Variants in CFAP47 observed in about 807,000 individuals in gnomAD.
The protein encoded by CFAP47 is cilia- and flagella-associated protein 47.
Under a neutral mutation model 148.1 loss-of-function variants are expected in CFAP47, and 29 were observed. The ratio of observed to expected loss-of-function variants is 0.20; its 90% CI spans 0.15 to 0.27. CFAP47 has a LOEUF of 0.27. CFAP47 is among the 10% of genes least tolerant of loss of function. The pLI is 1.00. For synonymous variants in CFAP47, 664 were observed against 577.3 expected (o/e 1.15, Z -2.15); for missense variants, 1,872 against 1,697.5 (o/e 1.10, Z -1.81).
chrX:36,244,004 T>TA (rs1370903796), intron 48 of CFAP47, among the ~76,000 whole-genome samples: 1 of 110,388 alleles, frequency 9.1e-6, no homozygotes, highest in Non-Finnish European at 1.9e-5. Flanking sequence ...CTCAATACGT[T>TA]AAAAAACAAA....
chrX:36,214,978 T>TG (rs1940143813), intron 45 of CFAP47, among the ~76,000 whole-genome samples: 1 of 112,049 alleles, frequency 8.9e-6, no homozygotes, highest in African/African-American at 3.2e-5. Flanking sequence ...AAATAAATTC[T>TG]GGTAATTTAT....
At position 36,243,661 on chromosome X, in the gene CFAP47, A is replaced by G. The variant is rs969321389; in HGVS notation, c.7332+6802A>G. On this transcript the variant is annotated intron_variant, in intron 48 of 63. Coordinates refer to ENST00000378653, the MANE Select transcript of CFAP47 (RefSeq NM_001304548.2). Reference sequence around the variant, plus strand: ...TATATGTGTGTGTATATATATATATATATATATATATATATATATATATAT... The same window carrying G: ...TATATGTGTGTGTATATATATATATGTATATATATATATATATATATATAT... 2.5e-3 allele frequency among the ~76,000 whole-genome samples: 176 copies of G among 69,944 alleles called. 2 individuals are homozygous for G. The highest frequency in any genetic ancestry group is 0.021 in the African/African-American group (144 of 6,786). The allele number at this position is 69,944 out of a possible 115,157, so 60.7% of individuals were successfully genotyped here.
intron 2 of CFAP47, among the ~76,000 whole-genome samples, chrX:35,937,104 GTTTTTTTTTTTTTTTT>G (rs377601530): frequency 0.012 from 665 of 55,556 alleles, 12 homozygotes; most frequent in African/African-American, 0.039. Context: ...TGCAATTGCT[GTTTTTTTTTTTTTTTT>G]TTTTTTTTTT....
Position 36,035,749 on chromosome X carries a change from A to G in CFAP47, c.3706A>G (p.Ser1236Gly). 3.4e-6 allele frequency: 1 copy of G among 296,524 alleles called. No homozygotes were observed. The highest frequency in any genetic ancestry group is 5.9e-6 in the Non-Finnish European group (1 of 169,648). 24.4% of individuals were successfully genotyped at this position (296,524 alleles called of 1,213,427 possible). Residue 1236 changes from serine to glycine, a missense_variant, in exon 24 of 64, where the codon AGT becomes GGT. Physicochemically the swap from Ser to Gly is moderately conservative, Grantham distance 56. Transcript: ENST00000378653. ...CCATGTGACATGGACTTTGGATCTTAGTAATACTGGCAAACTTTTCAAAGA... is the reference window on the plus strand; with the variant it reads ...CCATGTGACATGGACTTTGGATCTTGGTAATACTGGCAAACTTTTCAAAGA... ...KHHVTWTLDL[S>G]NTGKLFKDGT...
rs188049656 is a variant in CFAP47 at position 36,234,424 on chromosome X, C to T, written c.7015-1510C>T. On this transcript the variant is annotated intron_variant, in intron 46 of 63. Transcript: ENST00000378653. The stretch of plus-strand genomic sequence containing the variant: ...GATCGCATCGGCTCCTGAGGCTTCT[C>T]CATTCTTCACGTAGTTCTCAAGCCT... Among the ~76,000 whole-genome samples the T allele has an allele frequency of 6.4e-3, 720 of 112,166 alleles. 5 individuals are homozygous for T. The highest frequency in any genetic ancestry group is 9.2e-3 in the Non-Finnish European group (492 of 53,245).
At chrX:36,083,368 A>G (rs1298952122) in intron 29 of CFAP47, among the ~76,000 whole-genome samples, 1 of 110,659 alleles carries the variant, frequency 9.0e-6, no homozygotes, top group Non-Finnish European at 1.9e-5. Flanking sequence ...GCACATATAT[A>G]TAGCATAGCA....
intron 21 of CFAP47, among the ~76,000 whole-genome samples, chrX:36,009,189 A>G (rs1937012898): frequency 9.0e-6 from 1 of 111,627 alleles, no homozygotes; most frequent in Non-Finnish European, 1.9e-5. Flanking sequence ...ACAGTTTGCG[A>G]AACATACTCT....
At chrX:36,135,384 A>G (rs1310512602) in intron 33 of CFAP47, among the ~76,000 whole-genome samples, 1 of 111,857 alleles carries the variant, frequency 8.9e-6, no homozygotes, top group Non-Finnish European at 1.9e-5. Context: ...ACTGAAGACA[A>G]ACCAAATGCC....
chrX:35,970,871 A>G lies in CFAP47; in HGVS notation c.1918A>G (p.Met640Val), dbSNP rs770069369. 1.3e-5 allele frequency: 15 copies of G among 1,190,283 alleles called. No homozygotes were observed. In the East Asian group the frequency reaches 2.4e-4, roughly 19 times the overall value. ...QKKLHENYYAMYLKYLRSVRL... is the reference protein window; with the variant it reads ...QKKLHENYYAVYLKYLRSVRL... ...GAAATTACATGAAAACTATTATGCA[A>G]TGTATCTTAAATATTTAAGAAGTGT... The change falls in exon 11 of 64, where the codon ATG (methionine) becomes GTG (valine). Residue 640 changes from methionine (M) to valine (V), a missense_variant. Met to Val is a conservative substitution (Grantham distance 21). Transcript: ENST00000378653.
chrX:35,989,566 C>G (rs1348470793), intron 16 of CFAP47, 117 bp downstream of exon 16: 16 of 1,182,769 alleles, frequency 1.4e-5, no homozygotes, highest in Non-Finnish European at 1.8e-5. Context: ...GACTTTCATG[C>G]AACAGTACTA....
chrX:36,354,799 G>C (rs1336333175), intron 60 of CFAP47, among the ~76,000 whole-genome samples: 1 of 110,434 alleles, frequency 9.1e-6, no homozygotes, highest in Non-Finnish European at 1.9e-5. Context: ...CTTGGCAAAG[G>C]GTCTTCTCAT....
intron 48 of CFAP47, among the ~76,000 whole-genome samples, chrX:36,249,420 G>GA (rs1231005861): frequency 1.8e-5 from 2 of 110,032 alleles, no homozygotes; most frequent in Non-Finnish European, 3.8e-5. Context: ...TGATAATTTG[G>GA]AAAAAAACTG....
chrX:36,085,963 C>G (rs1392191356), intron 30 of CFAP47, among the ~76,000 whole-genome samples: 1 of 110,630 alleles, frequency 9.0e-6, no homozygotes, highest in South Asian at 3.8e-4. Flanking sequence ...TTTGAAAATC[C>G]TGGTCTACAG....
intron 62 of CFAP47, among the ~76,000 whole-genome samples, chrX:36,376,751 T>C (rs1426954436): frequency 1.9e-5 from 2 of 107,619 alleles, no homozygotes; most frequent in Non-Finnish European, 3.9e-5. Flanking sequence ...ATTAGGTATA[T>C]CTCCTAATGC....
intron 48 of CFAP47, among the ~76,000 whole-genome samples, chrX:36,248,274 G>A (rs1051061986): frequency 2.0e-4 from 21 of 104,098 alleles, no homozygotes; most frequent in African/African-American, 6.9e-4. Context: ...ACCTATAAAA[G>A]ATAATTCAAA....
At chrX:36,091,174 G>A (rs895054273) in intron 30 of CFAP47, among the ~76,000 whole-genome samples, 2 of 111,107 alleles carry the variant, frequency 1.8e-5, no homozygotes, top group African/African-American at 3.3e-5. Flanking sequence ...TGAAAAAAAT[G>A]CATTTTTCTT....
Position 36,306,866 on chromosome X carries a change from A to G in CFAP47, c.8177A>G (p.Tyr2726Cys). The G allele has an allele frequency of 9.0e-7, 1 of 1,111,981 alleles. No homozygotes were observed. The highest frequency in any genetic ancestry group is 2.0e-5 in the South Asian group (1 of 49,706). 91.6% of individuals were successfully genotyped at this position (1,111,981 alleles called of 1,213,427 possible). A position where few individuals can be genotyped will look rare whatever the true frequency, so the allele number is the denominator to read the frequency against. The change falls in exon 55 of 64, where the codon TAC becomes TGC. Residue 2726 changes from tyrosine (Y) to cysteine (C), a missense_variant. Coordinates refer to ENST00000378653, the MANE Select transcript of CFAP47 (RefSeq NM_001304548.2). Reference protein sequence around the residue: ...RADHQACINFYCTQFTEWKFY... With the variant: ...RADHQACINFCCTQFTEWKFY... ...GATCATCAAGCTTGCATCAACTTCTACTGTACTCAGGTATGATAGAGTATT... is the reference window on the plus strand; with the variant it reads ...GATCATCAAGCTTGCATCAACTTCTGCTGTACTCAGGTATGATAGAGTATT...
At chrX:35,928,929 G>A in intron 2 of CFAP47, among the ~76,000 whole-genome samples, 1 of 110,273 alleles carries the variant, frequency 9.1e-6, no homozygotes. Context: ...ATTGAATTGT[G>A]TACCCTTGAA....
chrX:36,077,926 G>A (rs1190613775), intron 29 of CFAP47, among the ~76,000 whole-genome samples: 1 of 110,759 alleles, frequency 9.0e-6, no homozygotes, highest in African/African-American at 3.3e-5. Flanking sequence ...CTACTAGGGA[G>A]GCTGAGGCAG....
Sources: gnomAD v4.1 joint callset for allele counts (sites outside exome capture counted in the v4.1 genomes callset) on GRCh38, gnomAD v4.1.1 for gene constraint, MANE v1.5 for transcripts, NCBI Gene and HGNC (gene_info 2026-07-23, HGNC 2026-07-21) for gene names.